Variants in LEMD3 observed in about 807,000 individuals in gnomAD.
The protein encoded by LEMD3 is LEM domain containing 3, also known as inner nuclear membrane protein Man1.
Under a neutral mutation model 95.2 loss-of-function variants are expected in LEMD3, and 33 were observed. The observed-to-expected ratio is 0.35, with a 90% CI of 0.26 to 0.46. The LOEUF (loss-of-function observed/expected upper bound fraction) is 0.46, where lower values mean the gene tolerates loss of function less well. Among genes scored for constraint, LEMD3 ranks in the 20% least tolerant of loss-of-function variants. The probability of loss-of-function intolerance (pLI) is 1.00; values close to 1 mark genes in which losing one functional copy is unlikely to be tolerated. For missense variants in LEMD3, 1,210 were observed against 1,192.8 expected (o/e 1.01, Z -0.21); for synonymous variants, 525 against 474.6 (o/e 1.11, Z -1.38).
chr12:65,224,287 C>G (rs1387088301), intron 4 of LEMD3, among the ~76,000 whole-genome samples: 1 of 152,106 alleles, frequency 6.6e-6, no homozygotes, highest in Non-Finnish European at 1.5e-5. Context: ...TGAGGCAGTT[C>G]TAGTGATGAT....
chr12:65,193,018 G>T (rs1308512093), intron 1 of LEMD3, among the ~76,000 whole-genome samples: 3 of 151,928 alleles, frequency 2.0e-5, no homozygotes, highest in Admixed American at 6.6e-5. Context: ...TGTTTTTTTT[G>T]TTTGTTTGTT....
At chr12:65,238,881 C>A in intron 6 of LEMD3, 67 bp downstream of exon 6, 1 of 1,503,868 alleles carries the variant, frequency 6.6e-7, no homozygotes, top group South Asian at 1.1e-5. Flanking sequence ...TCACTAAATG[C>A]CAGAGTTGAG....
intron 4 of LEMD3, among the ~76,000 whole-genome samples, chr12:65,225,853 T>C (rs1006915410): frequency 6.6e-6 from 1 of 152,216 alleles, no homozygotes; most frequent in African/African-American, 2.4e-5. Context: ...GTGCAGCGAT[T>C]ACAGGCATGA....
intron 1 of LEMD3, among the ~76,000 whole-genome samples, chr12:65,198,455 ATC>A (rs1395432632): frequency 6.6e-6 from 1 of 151,938 alleles, no homozygotes; most frequent in Non-Finnish European, 1.5e-5. Context: ...TCAGGAAGAG[ATC>A]TGTTGAAACT....
At chr12:65,219,834 T>TA (rs1434265940) in intron 4 of LEMD3, among the ~76,000 whole-genome samples, 1 of 152,206 alleles carries the variant, frequency 6.6e-6, no homozygotes, top group Non-Finnish European at 1.5e-5. Context: ...TTATTTCACC[T>TA]AGCATAATAT....
intron 1 of LEMD3, among the ~76,000 whole-genome samples, chr12:65,210,141 A>G (rs1869893996): frequency 6.6e-6 from 1 of 151,962 alleles, no homozygotes. Flanking sequence ...AAGGAGGGGC[A>G]TAGGGGTTGG....
chr12:65,219,528 C>T (rs1870218108), intron 4 of LEMD3, among the ~76,000 whole-genome samples: 1 of 152,164 alleles, frequency 6.6e-6, no homozygotes, highest in African/African-American at 2.4e-5. Context: ...CAAGTCATGC[C>T]ATACAAATTT....
intron 1 of LEMD3, among the ~76,000 whole-genome samples, chr12:65,210,658 T>C (rs1043336424): frequency 2.0e-5 from 3 of 152,144 alleles, no homozygotes; most frequent in African/African-American, 7.2e-5. Context: ...GTGGTAGAGG[T>C]GGAGCTGGGA....
chr12:65,177,774 C>T (rs1241545058), intron 1 of LEMD3, among the ~76,000 whole-genome samples: 1 of 151,330 alleles, frequency 6.6e-6, no homozygotes, highest in Non-Finnish European at 1.5e-5. Flanking sequence ...GCCAAAAGGT[C>T]CCGAACTTGG....
rs75602366 is a variant in LEMD3 at position 65,232,837 on chromosome 12, A to G, written c.1696-5665A>G. Among the ~76,000 whole-genome samples the G allele has an allele frequency of 3.3e-5, 5 of 152,300 alleles. No homozygotes were observed. The East Asian group carries it at 5.8e-4, about 18-fold the overall frequency. ...GGGTTTACGTTCCTAGGTTGCTTTCAAAACCTTCTTAACCTTTAACACAAT... is the reference window on the plus strand; with the variant it reads ...GGGTTTACGTTCCTAGGTTGCTTTCGAAACCTTCTTAACCTTTAACACAAT... On this transcript the variant is annotated intron_variant, in intron 4 of 12. Transcript: ENST00000308330.
At chr12:65,176,240 C>T (rs1040484038) in intron 1 of LEMD3, among the ~76,000 whole-genome samples, 4 of 152,214 alleles carry the variant, frequency 2.6e-5, no homozygotes, top group African/African-American at 7.2e-5. Flanking sequence ...AATCTAAACT[C>T]GTTGGCTAAA....
chr12:65,191,659 A>C (rs1446815634), intron 1 of LEMD3, among the ~76,000 whole-genome samples: 1 of 152,138 alleles, frequency 6.6e-6, no homozygotes, highest in Non-Finnish European at 1.5e-5. Context: ...GAGGCTGGGC[A>C]TGGTGGCTCA....
At chr12:65,241,979 C>T (rs1211432100) in intron 9 of LEMD3, among the ~76,000 whole-genome samples, 5 of 152,140 alleles carry the variant, frequency 3.3e-5, no homozygotes, top group South Asian at 2.1e-4. Context: ...CTATGACACA[C>T]GTTTACCTAT....
intron 10 of LEMD3, among the ~76,000 whole-genome samples, chr12:65,244,679 G>A (rs1306704839): frequency 6.6e-6 from 1 of 152,234 alleles, no homozygotes; most frequent in East Asian, 1.9e-4. Flanking sequence ...TGGGCACAGT[G>A]GCTCACACCT....
chr12:65,192,958 T>C (rs1565783830), intron 1 of LEMD3, among the ~76,000 whole-genome samples: 1 of 152,236 alleles, frequency 6.6e-6, no homozygotes, highest in Non-Finnish European at 1.5e-5. Flanking sequence ...TTTTACAGCA[T>C]GTGCATGTTA....
At chr12:65,171,173 C>T in intron 1 of LEMD3, 55 bp downstream of exon 1, 1 of 1,600,298 alleles carries the variant, frequency 6.2e-7, no homozygotes, top group Non-Finnish European at 8.5e-7. Flanking sequence ...TAGTGGTCCG[C>T]TTTAGCCGCG....
intron 1 of LEMD3, among the ~76,000 whole-genome samples, chr12:65,175,180 G>C (rs1868677003): frequency 6.6e-6 from 1 of 152,170 alleles, no homozygotes; most frequent in Admixed American, 6.5e-5. Flanking sequence ...GCCGTTGAAA[G>C]GAGTCAGAAT....
At chr12:65,235,023 CAT>C (rs1249241661) in intron 4 of LEMD3, among the ~76,000 whole-genome samples, 1 of 152,098 alleles carries the variant, frequency 6.6e-6, no homozygotes, top group Non-Finnish European at 1.5e-5. Context: ...CTAGGCAAAT[CAT>C]AGCAATACAA....
At chr12:65,240,556 CTAA>C (rs1279056629) in intron 8 of LEMD3, 1 of 410,718 alleles carries the variant, frequency 2.4e-6, no homozygotes, top group Non-Finnish European at 4.3e-6. Flanking sequence ...TGGTGTTTTA[CTAA>C]TGTTTTTTAA....
Sources: allele counts gnomAD v4.1 joint callset (sites outside exome capture counted in the v4.1 genomes callset), GRCh38; gene constraint gnomAD v4.1.1; transcripts MANE v1.5; gene names NCBI Gene and HGNC (gene_info 2026-07-23, HGNC 2026-07-21).